The following COL4A6 variants were observed in gnomAD, a reference collection of about 807,000 sequenced individuals.
COL4A6 encodes the protein collagen type IV alpha 6 chain, also known as collagen alpha-6(IV) chain.
COL4A6 carries 59 observed loss-of-function variants against 126.7 expected under a neutral mutation model. The observed-to-expected ratio is 0.47, with a 90% confidence interval of 0.38 to 0.58. The LOEUF (loss-of-function observed/expected upper bound fraction) is 0.58. Ranked by LOEUF, COL4A6 falls within the 20% of genes least tolerant of loss-of-function variation. The pLI is 0.00. For missense variants in COL4A6, 1,285 were observed against 1,337.3 expected (o/e 0.96, Z 0.61); for synonymous variants, 547 against 496.6 (o/e 1.10, Z -1.35).
intron 2 of COL4A6, among the ~76,000 whole-genome samples, chrX:108,317,643 T>C (rs1286236792): frequency 1.8e-5 from 2 of 111,571 alleles, no homozygotes; most frequent in African/African-American, 6.5e-5. Context: ...GCTTTCTACA[T>C]ACGGCTAGCC....
At chrX:108,179,012 T>C (rs2034590820) in intron 26 of COL4A6, among the ~76,000 whole-genome samples, 167 bp from the exon 27 acceptor site, 1 of 112,282 alleles carries the variant, frequency 8.9e-6, no homozygotes, top group Non-Finnish European at 1.9e-5. Flanking sequence ...CTATTAGTTA[T>C]GGTCACTTTT....
chrX:108,434,195 A>G (rs2064222585), intron 2 of COL4A6, among the ~76,000 whole-genome samples: 1 of 112,131 alleles, frequency 8.9e-6, no homozygotes, highest in African/African-American at 3.2e-5. Flanking sequence ...TTAGAAAATG[A>G]CTGTTTTTGT....
In COL4A6 at chrX:108,164,750, G is replaced by T. The variant is rs779446492; in HGVS notation, c.3971-52C>A. The T allele has an allele frequency of 1.4e-5, 17 of 1,184,831 alleles. No homozygotes were observed. In the South Asian group the frequency reaches 2.9e-4, roughly 20 times the overall value. On this transcript the variant is annotated intron_variant, in intron 39 of 44. Transcript: ENST00000334504. ...AGGTCCCGGCATGGTAGGGGTGGTA[G>T]GGGTGGAGGATAGGCAGGGGTGAGG...
intron 32 of COL4A6, 112 bp from the exon 33 acceptor site, chrX:108,171,573 C>A (rs1020710701): frequency 1.7e-6 from 1 of 594,334 alleles, no homozygotes; most frequent in Admixed American, 3.7e-5. Context: ...GCCAGAGGAG[C>A]TCCTTGACAA....
chrX:108,412,357 G>A (rs766478681), intron 2 of COL4A6, among the ~76,000 whole-genome samples: 3 of 111,685 alleles, frequency 2.7e-5, no homozygotes, highest in Non-Finnish European at 5.6e-5. Context: ...TAGTTCACTG[G>A]CTGGAGTTCC....
chrX:108,272,207 C>T (rs950155197), intron 3 of COL4A6, among the ~76,000 whole-genome samples: 1 of 111,677 alleles, frequency 9.0e-6, no homozygotes, highest in Non-Finnish European at 1.9e-5. Flanking sequence ...AACTTCCTGG[C>T]CTCTAGGTTT....
intron 41 of COL4A6, among the ~76,000 whole-genome samples, chrX:108,162,326 C>T (rs1330735447): frequency 9.4e-6 from 1 of 106,783 alleles, no homozygotes; most frequent in African/African-American, 3.4e-5. Context: ...CTCTCAGCCT[C>T]GGTGACAGAG....
intron 2 of COL4A6, among the ~76,000 whole-genome samples, chrX:108,360,990 C>G (rs767572488): frequency 1.8e-5 from 2 of 111,115 alleles, no homozygotes; most frequent in East Asian, 5.7e-4. Context: ...TGTAAAGAGT[C>G]TGACTATCAT....
chrX:108,187,849 G>A lies in COL4A6; in HGVS notation c.1766C>T (p.Pro589Leu), dbSNP rs143687848. 9.8e-5 allele frequency: 118 copies of A among 1,199,488 alleles called. No individual in the cohort carries two copies. The East Asian group carries it at 1.0e-3, about 10-fold the overall frequency. ...VPGLPGLPGL[P>L]GDGGQGFPGE... ...ATCACCTAGGAACGATCAACTTACCGGAAGGCCTGGCAGACCTGGTAAACC... is the reference window on the plus strand; with the variant it reads ...ATCACCTAGGAACGATCAACTTACCAGAAGGCCTGGCAGACCTGGTAAACC... Residue 589 changes from proline (P) to leucine (L), a missense_variant and splice_region_variant, in exon 22 of 45, where the codon CCG becomes CTG. Physicochemically the swap from Pro to Leu is moderately conservative, Grantham distance 98. Transcript: ENST00000334504.
At chrX:108,258,659 T>C (rs1285630263) in intron 3 of COL4A6, among the ~76,000 whole-genome samples, 2 of 112,021 alleles carry the variant, frequency 1.8e-5, no homozygotes, top group Admixed American at 9.5e-5. Flanking sequence ...GATATAAACA[T>C]GTGTTCTAAA....
chrX:108,318,970 T>C (rs1569423387), intron 2 of COL4A6, among the ~76,000 whole-genome samples: 1 of 112,664 alleles, frequency 8.9e-6, no homozygotes, highest in Non-Finnish European at 1.9e-5. Flanking sequence ...TCTCTTGTGT[T>C]CATATTCTCT....
intron 2 of COL4A6, among the ~76,000 whole-genome samples, chrX:108,413,804 G>A (rs1002530001): frequency 1.8e-5 from 2 of 112,087 alleles, no homozygotes; most frequent in African/African-American, 6.5e-5. Context: ...TGAAGGCAAT[G>A]TAGGAGTTAA....
intron 2 of COL4A6, among the ~76,000 whole-genome samples, chrX:108,369,404 T>G (rs1281776450): frequency 9.0e-6 from 1 of 111,367 alleles, no homozygotes; most frequent in African/African-American, 3.3e-5. Context: ...CATGAAATAA[T>G]TTGTTGGCTT....
chrX:108,351,436 CTCTCTCTGTGTGTGTG>C (rs1381154971), intron 2 of COL4A6, among the ~76,000 whole-genome samples: 5 of 82,267 alleles, frequency 6.1e-5, no homozygotes, highest in African/African-American at 2.5e-4. Context: ...AGGTAACTCT[CTCTCTCTGTGTGTGTG>C]TGTGTGTGTG....
chrX:108,201,407 G>T (rs775872705), intron 13 of COL4A6, among the ~76,000 whole-genome samples: 1 of 111,810 alleles, frequency 8.9e-6, no homozygotes, highest in Non-Finnish European at 1.9e-5. Context: ...TTGAAACAAG[G>T]CAACTGTAAA....
chrX:108,383,598 TC>T, intron 2 of COL4A6: 1 of 525,286 alleles, frequency 1.9e-6, no homozygotes, highest in Non-Finnish European at 3.3e-6. Context: ...GTTTCCCTTG[TC>T]CAGCTGAAGG....
intron 2 of COL4A6, among the ~76,000 whole-genome samples, chrX:108,382,494 C>T (rs912459988): frequency 2.7e-5 from 3 of 111,276 alleles, no homozygotes; most frequent in African/African-American, 9.8e-5. Flanking sequence ...ATCTCACTTT[C>T]CAAATATGTC....
At chrX:108,330,119 T>C (rs1430925676) in intron 2 of COL4A6, among the ~76,000 whole-genome samples, 1 of 110,356 alleles carries the variant, frequency 9.1e-6, no homozygotes, top group African/African-American at 3.3e-5. Context: ...CAAGGATGAG[T>C]TTGTGCAGAG....
At chrX:108,364,868 T>C (rs182262835) in intron 2 of COL4A6, among the ~76,000 whole-genome samples, 4 of 111,577 alleles carry the variant, frequency 3.6e-5, no homozygotes, top group African/African-American at 1.3e-4. Flanking sequence ...ACGCTTAGGT[T>C]GATTCCATAT....
Sources: allele counts gnomAD v4.1 joint callset (sites outside exome capture counted in the v4.1 genomes callset), GRCh38; gene constraint gnomAD v4.1.1; transcripts MANE v1.5; gene names NCBI Gene and HGNC (gene_info 2026-07-23, HGNC 2026-07-21).